HDAC9: variants seen among roughly 807,000 people sequenced by gnomAD.
HDAC9 encodes the protein histone deacetylase 9, also known as MEF-2 interacting transcription repressor (MITR) protein.
In HDAC9, 41 loss-of-function variants were observed where a neutral mutation model predicts 139.4. That is an observed-to-expected ratio of 0.29 (90% CI 0.23 to 0.38). The LOEUF (loss-of-function observed/expected upper bound fraction) is 0.38, where lower values mean the gene tolerates loss of function less well. Ranked by LOEUF, HDAC9 falls within the 10% of genes least tolerant of loss-of-function variation. The pLI, the probability that HDAC9 is intolerant of heterozygous loss-of-function variation, is 1.00. For synonymous variants in HDAC9, 517 were observed against 476.2 expected (o/e 1.09, Z -1.12); for missense variants, 1,147 against 1,297.0 (o/e 0.88, Z 1.78).
intron 12 of HDAC9, among the ~76,000 whole-genome samples, chr7:18,701,135 A>C (rs1379109746): frequency 6.9e-6 from 1 of 144,274 alleles, no homozygotes; most frequent in East Asian, 2.0e-4. Flanking sequence ...AAACCTGAAT[A>C]CATAGAAACT....
chr7:18,771,720 G>A (rs899366924), intron 16 of HDAC9, among the ~76,000 whole-genome samples: 4 of 151,940 alleles, frequency 2.6e-5, no homozygotes, highest in Admixed American at 2.6e-4. Context: ...TATTCTAGTG[G>A]CAAGCCCTAC....
At chr7:18,281,912 AAG>A (rs1165805830) in intron 2 of HDAC9, among the ~76,000 whole-genome samples, 1 of 152,226 alleles carries the variant, frequency 6.6e-6, no homozygotes, top group Non-Finnish European at 1.5e-5. Flanking sequence ...TTGGAAAGGG[AAG>A]AGAACATAAT....
intron 2 of HDAC9, among the ~76,000 whole-genome samples, chr7:18,219,491 CT>C (rs147055240): frequency 7.4e-5 from 11 of 147,940 alleles, no homozygotes; most frequent in Non-Finnish European, 6.0e-5. Flanking sequence ...TGAGAAGATG[CT>C]TTTTTTTTTA....
chr7:18,736,963 G>A (rs1786973832), intron 13 of HDAC9, among the ~76,000 whole-genome samples: 1 of 152,172 alleles, frequency 6.6e-6, no homozygotes, highest in South Asian at 2.1e-4. Flanking sequence ...TTAGTCTTGA[G>A]AAGGTTTATG....
chr7:18,866,689 T>C (rs961591431), intron 21 of HDAC9, among the ~76,000 whole-genome samples: 10 of 152,228 alleles, frequency 6.6e-5, no homozygotes, highest in African/African-American at 2.4e-4. Context: ...TAAGTTAAGA[T>C]GTTGTGAAAT....
chr7:18,114,810 T>C (rs913935322), intron 1 of HDAC9, among the ~76,000 whole-genome samples: 13 of 152,206 alleles, frequency 8.5e-5, no homozygotes, highest in African/African-American at 2.9e-4. Flanking sequence ...TAAACAAATA[T>C]AGCTGCATAC....
chr7:18,604,637 G>C (rs779903532), intron 6 of HDAC9, among the ~76,000 whole-genome samples: 3 of 151,992 alleles, frequency 2.0e-5, no homozygotes, highest in Non-Finnish European at 4.4e-5. Flanking sequence ...CTGACCTCAT[G>C]ATCCGCCTGT....
chr7:18,700,804 C>A (rs575223996), intron 12 of HDAC9, among the ~76,000 whole-genome samples: 1 of 152,182 alleles, frequency 6.6e-6, no homozygotes, highest in Non-Finnish European at 1.5e-5. Context: ...GGGCATGGCA[C>A]AAGTGCTCCC....
At chr7:18,861,047 C>T (rs775722222) in intron 21 of HDAC9, among the ~76,000 whole-genome samples, 3 of 152,144 alleles carry the variant, frequency 2.0e-5, no homozygotes, top group Non-Finnish European at 4.4e-5. Flanking sequence ...AAACCAAATA[C>T]ATAACAGCCC....
intron 22 of HDAC9, among the ~76,000 whole-genome samples, chr7:18,883,298 C>T (rs1585217678): frequency 6.6e-6 from 1 of 152,018 alleles, no homozygotes; most frequent in African/African-American, 2.4e-5. Context: ...CAACAAAATA[C>T]TACCAAATCA....
intron 1 of HDAC9, among the ~76,000 whole-genome samples, chr7:18,406,083 C>T (rs1787977065): frequency 6.6e-6 from 1 of 152,116 alleles, no homozygotes; most frequent in Non-Finnish European, 1.5e-5. Context: ...AATTATGTTA[C>T]CTACAGTTTT....
chr7:18,501,533 T>C (rs889039127), intron 2 of HDAC9, among the ~76,000 whole-genome samples: 2 of 152,238 alleles, frequency 1.3e-5, no homozygotes, highest in East Asian at 3.8e-4. Flanking sequence ...TAAATCTGCT[T>C]AATTCAGTTA....
intron 1 of HDAC9, chr7:18,325,520 T>G (rs1318046596): frequency 6.6e-6 from 1 of 151,982 alleles, no homozygotes; most frequent in Non-Finnish European, 1.5e-5. Context: ...AGAAATGAGG[T>G]CTTACTGTGT....
upstream of HDAC9, among the ~76,000 whole-genome samples, chr7:18,287,746 T>C (rs1262582371): frequency 6.6e-6 from 1 of 152,148 alleles, no homozygotes; most frequent in Non-Finnish European, 1.5e-5. Flanking sequence ...GGGTAGTAGT[T>C]TGTCTAGGGT....
At chr7:18,977,878 CAATTG>C (rs1421433337) in intron 25 of HDAC9, among the ~76,000 whole-genome samples, 3 of 150,052 alleles carry the variant, frequency 2.0e-5, no homozygotes, top group Non-Finnish European at 4.4e-5. Flanking sequence ...TCTTGCATTT[CAATTG>C]AACCATGCAT....
At chr7:18,923,038 C>T (rs1803899487) in intron 22 of HDAC9, among the ~76,000 whole-genome samples, 1 of 151,890 alleles carries the variant, frequency 6.6e-6, no homozygotes, top group African/African-American at 2.4e-5. Flanking sequence ...ATGATAAAAG[C>T]TTTATTCCTT....
intron 23 of HDAC9, among the ~76,000 whole-genome samples, chr7:18,946,663 G>C (rs547663747): frequency 2.7e-4 from 41 of 152,112 alleles, no homozygotes; most frequent in African/African-American, 9.6e-4. Context: ...AACATATTAA[G>C]TATACATGGA....
At chr7:18,825,208 G>A (rs77688189) in intron 17 of HDAC9, among the ~76,000 whole-genome samples, 1,958 of 152,326 alleles carry the variant, frequency 0.013, 46 homozygotes, top group African/African-American at 0.045. Context: ...GTATGAGATG[G>A]GTGATGGCTG....
At chr7:18,102,537 T>C (rs1423674360) in intron 1 of HDAC9, among the ~76,000 whole-genome samples, 2 of 152,158 alleles carry the variant, frequency 1.3e-5, no homozygotes, top group Non-Finnish European at 2.9e-5. Context: ...TCTTGCAAAA[T>C]TGAACCAAAA....
Sources: gnomAD v4.1 joint callset for allele counts (sites outside exome capture counted in the v4.1 genomes callset) on GRCh38, gnomAD v4.1.1 for gene constraint, MANE v1.5 for transcripts, NCBI Gene and HGNC (gene_info 2026-07-23, HGNC 2026-07-21) for gene names.